The following PRKN variants were observed in gnomAD, a reference collection of about 807,000 sequenced individuals.
The protein encoded by PRKN is E3 ubiquitin-protein ligase parkin.
PRKN carries 56 observed loss-of-function variants against 59.5 expected under a neutral mutation model. That is an observed-to-expected ratio of 0.94 (90% CI 0.76 to 1.18). PRKN has a LOEUF of 1.18. PRKN is among the 50% of genes most tolerant of loss of function. The pLI is 0.00. For missense variants in PRKN, 657 were observed against 596.4 expected (o/e 1.10, Z -1.06); for synonymous variants, 250 against 222.1 (o/e 1.13, Z -1.12).
intron 1 of PRKN, among the ~76,000 whole-genome samples, chr6:162,550,470 A>G (rs888496839): frequency 6.6e-5 from 10 of 152,152 alleles, no homozygotes; most frequent in African/African-American, 2.2e-4. Flanking sequence ...GGGGATGGGC[A>G]GATGATGAGA....
At chr6:161,904,092 G>T (rs1382776971) in intron 6 of PRKN, among the ~76,000 whole-genome samples, 1 of 151,930 alleles carries the variant, frequency 6.6e-6, no homozygotes, top group Non-Finnish European at 1.5e-5. Flanking sequence ...AGTGAGCCTG[G>T]GGCTGCTAGG....
chr6:161,873,009 G>A (rs1794407650), intron 6 of PRKN, among the ~76,000 whole-genome samples: 1 of 149,628 alleles, frequency 6.7e-6, no homozygotes, highest in South Asian at 2.2e-4. Flanking sequence ...TGTGTGGCTG[G>A]TTGTCAAGCA....
intron 7 of PRKN, among the ~76,000 whole-genome samples, chr6:161,695,805 T>C (rs906912997): frequency 1.3e-5 from 2 of 152,006 alleles, no homozygotes; most frequent in Non-Finnish European, 2.9e-5. Context: ...CACAGGACAT[T>C]TACAGAGAAA....
intron 3 of PRKN, among the ~76,000 whole-genome samples, chr6:162,252,550 A>G (rs2128096520): frequency 6.6e-6 from 1 of 152,344 alleles, no homozygotes; most frequent in Non-Finnish European, 1.5e-5. Flanking sequence ...GGAGGTGATT[A>G]GGTCATGAGT....
intron 1 of PRKN, among the ~76,000 whole-genome samples, chr6:162,686,426 T>C (rs1253684656): frequency 6.6e-6 from 1 of 152,166 alleles, no homozygotes; most frequent in Non-Finnish European, 1.5e-5. Flanking sequence ...TTTTGTTTTG[T>C]TTTGTTTTTC....
At chr6:161,770,044 T>G (rs1789598733) in intron 7 of PRKN, among the ~76,000 whole-genome samples, 1 of 152,258 alleles carries the variant, frequency 6.6e-6, no homozygotes, top group East Asian at 1.9e-4. Context: ...GCTTGAATCT[T>G]TACATTTACA....
intron 9 of PRKN, among the ~76,000 whole-genome samples, chr6:161,443,085 A>C (rs1482486182): frequency 6.6e-6 from 1 of 152,114 alleles, no homozygotes; most frequent in African/African-American, 2.4e-5. Flanking sequence ...AGGCGGGTGG[A>C]TCACCTGAGG....
At chr6:162,514,272 C>CT (rs35258634) in intron 1 of PRKN, among the ~76,000 whole-genome samples, 44,066 of 148,462 alleles carry the variant, frequency 0.3, 6,826 homozygotes, top group East Asian at 0.5. Flanking sequence ...TTGAAATTGA[C>CT]TTTTTTTTTT....
intron 1 of PRKN, among the ~76,000 whole-genome samples, chr6:162,597,131 A>G (rs191381230): frequency 6.6e-6 from 1 of 152,354 alleles, no homozygotes; most frequent in East Asian, 1.9e-4. Context: ...GTGTTAATTT[A>G]AACTTGATTT....
At chr6:162,242,401 C>A (rs1779021409) in intron 3 of PRKN, among the ~76,000 whole-genome samples, 1 of 152,074 alleles carries the variant, frequency 6.6e-6, no homozygotes, top group Non-Finnish European at 1.5e-5. Context: ...AGCAGACTGC[C>A]TAACATGAAC....
intron 1 of PRKN, among the ~76,000 whole-genome samples, chr6:162,712,391 C>T (rs896995800): frequency 6.6e-6 from 1 of 152,128 alleles, no homozygotes; most frequent in Non-Finnish European, 1.5e-5. Flanking sequence ...GTACTGCTTG[C>T]TATAAAAATG....
intron 4 of PRKN, among the ~76,000 whole-genome samples, chr6:162,066,943 TC>T (rs1778364789): frequency 6.6e-6 from 1 of 152,156 alleles, no homozygotes; most frequent in South Asian, 2.1e-4. Context: ...AGCATATGAC[TC>T]CCTGGAAAAA....
rs1277803763 is a variant in PRKN at position 161,379,526 on chromosome 6, G to GAT, written c.1167+7266_1167+7267dup. Among the ~76,000 whole-genome samples, 1 of 152,228 alleles carries GAT rather than the reference G, an allele frequency of 6.6e-6. No individual in the cohort carries two copies. The highest frequency in any genetic ancestry group is 1.5e-5 in the Non-Finnish European group (1 of 68,042). On this transcript the variant is annotated intron_variant, in intron 10 of 11. Coordinates refer to ENST00000366898, the MANE Select transcript of PRKN (RefSeq NM_004562.3). The surrounding 1 kb of genome is among the most constrained non-coding windows in gnomAD (Gnocchi z 4.9). ...CTGGCCAGACCCCTCCTCCAGGACT[G>GAT]ATATCCCTGCTGCTGGGTATGTCCG...
chr6:161,532,888 T>A (rs1271401019), intron 9 of PRKN, among the ~76,000 whole-genome samples: 1 of 152,222 alleles, frequency 6.6e-6, no homozygotes, highest in Non-Finnish European at 1.5e-5. Context: ...ATCTTGTCAC[T>A]TGCGGGACTT....
intron 1 of PRKN, among the ~76,000 whole-genome samples, chr6:162,466,798 T>C (rs1791437149): frequency 6.6e-6 from 1 of 152,136 alleles, no homozygotes; most frequent in Admixed American, 6.5e-5. Flanking sequence ...TTTCCTTTTT[T>C]TTTTCTTTTA....
At chr6:161,638,738 ATTTTT>A (rs386409169) in intron 7 of PRKN, among the ~76,000 whole-genome samples, 6 of 100,182 alleles carry the variant, frequency 6.0e-5, no homozygotes, top group African/African-American at 1.8e-4. Flanking sequence ...ACGAGATCTG[ATTTTT>A]TTTTTTTTTT....
intron 4 of PRKN, among the ~76,000 whole-genome samples, chr6:162,082,030 A>G (rs1779080085): frequency 2.0e-5 from 3 of 152,086 alleles, no homozygotes; most frequent in African/African-American, 7.3e-5. Flanking sequence ...CAGCCTTCAT[A>G]GAATTGAAGA....
At chr6:161,627,818 T>C (rs1166976638) in intron 7 of PRKN, among the ~76,000 whole-genome samples, 1 of 152,244 alleles carries the variant, frequency 6.6e-6, no homozygotes, top group Non-Finnish European at 1.5e-5. Context: ...CACCTTGCCC[T>C]TCATTCAGTA....
At chr6:162,294,195 G>A (rs1781560646) in intron 2 of PRKN, among the ~76,000 whole-genome samples, 1 of 152,142 alleles carries the variant, frequency 6.6e-6, no homozygotes, top group African/African-American at 2.4e-5. Flanking sequence ...CCCCGGTGCT[G>A]AGGAATCAGC....
Sources: gnomAD v4.1 joint callset for allele counts (sites outside exome capture counted in the v4.1 genomes callset) on GRCh38, gnomAD v4.1.1 for gene constraint, Gnocchi (gnomAD v3.1) non-coding constraint, MANE v1.5 for transcripts, NCBI Gene and HGNC (gene_info 2026-07-23, HGNC 2026-07-21) for gene names.